The following CCDC73 variants were observed in gnomAD, a reference collection of about 807,000 sequenced individuals.
CCDC73 encodes the protein coiled-coil domain containing 73.
A neutral mutation model predicts 116.5 loss-of-function variants in CCDC73; 95 were observed. The ratio of observed to expected loss-of-function variants is 0.82; its 90% CI spans 0.69 to 0.97. CCDC73 has a LOEUF of 0.97. Ranked by LOEUF, CCDC73 falls within the 50% of genes least tolerant of loss-of-function variation. The probability of loss-of-function intolerance (pLI) is 0.00; values close to 1 mark genes in which losing one functional copy is unlikely to be tolerated. For missense variants in CCDC73, 1,066 were observed against 1,206.8 expected (o/e 0.88, Z 1.73); for synonymous variants, 398 against 401.3 (o/e 0.99, Z 0.10).
chr11:32,654,214 C>T (rs777821023), intron 10 of CCDC73, among the ~76,000 whole-genome samples, 177 bp from the exon 11 acceptor site: 2 of 152,098 alleles, frequency 1.3e-5, no homozygotes, highest in Non-Finnish European at 2.9e-5. Flanking sequence ...CGCTCTATCA[C>T]CCAGTCTGGA....
intron 3 of CCDC73, among the ~76,000 whole-genome samples, chr11:32,715,470 T>C (rs1849936108): frequency 1.3e-5 from 2 of 149,882 alleles, no homozygotes; most frequent in African/African-American, 4.9e-5. Context: ...CAAATTATGA[T>C]CCAACAAAAG....
intron 3 of CCDC73, among the ~76,000 whole-genome samples, chr11:32,711,442 A>C (rs1849899241): frequency 6.6e-6 from 1 of 152,218 alleles, no homozygotes; most frequent in South Asian, 2.1e-4. Context: ...TACACATACC[A>C]CAGAATACTA....
intron 12 of CCDC73, 90 bp downstream of exon 12, chr11:32,653,033 G>A: frequency 1.4e-6 from 1 of 733,462 alleles, no homozygotes; most frequent in Non-Finnish European, 2.2e-6. Flanking sequence ...AATAAAACTG[G>A]ACAGAAAAAT....
At chr11:32,771,023 G>A (rs925405346) in intron 1 of CCDC73, among the ~76,000 whole-genome samples, 4 of 152,302 alleles carry the variant, frequency 2.6e-5, no homozygotes, top group East Asian at 1.9e-4. Context: ...TCTCAAGGGC[G>A]TTATCTTAGA....
At chr11:32,655,682 C>G (rs1855865131) in intron 9 of CCDC73, among the ~76,000 whole-genome samples, 1 of 152,140 alleles carries the variant, frequency 6.6e-6, no homozygotes, top group Non-Finnish European at 1.5e-5. Flanking sequence ...GTACGTTACG[C>G]TACAGAGTTT....
intron 14 of CCDC73, among the ~76,000 whole-genome samples, chr11:32,631,503 G>A (rs75685082): frequency 0.1 from 15,419 of 151,932 alleles, 1,047 homozygotes; most frequent in Non-Finnish European, 0.15. Context: ...CAATACCCAT[G>A]GGTCAGAGGA....
chr11:32,793,954 C>T (rs1180862031), intron 1 of CCDC73, among the ~76,000 whole-genome samples: 4 of 152,108 alleles, frequency 2.6e-5, no homozygotes, highest in Non-Finnish European at 2.9e-5. Context: ...ATTAGCAGGG[C>T]AGTCATTTCA....
intron 14 of CCDC73, among the ~76,000 whole-genome samples, chr11:32,620,610 C>CAAAAAAAAA (rs57643752): frequency 1.3e-4 from 8 of 61,338 alleles, no homozygotes; most frequent in African/African-American, 3.5e-4. Flanking sequence ...GACTCAGTCT[C>CAAAAAAAAA]AAAAAAAAAA....
At chr11:32,670,319 G>C (rs919729133) in intron 9 of CCDC73, among the ~76,000 whole-genome samples, 9 of 152,034 alleles carry the variant, frequency 5.9e-5, no homozygotes, top group Non-Finnish European at 1.2e-4. Flanking sequence ...TCAGGAGATC[G>C]AGACCATCCT....
At chr11:32,612,728 C>T (rs961763527) in intron 16 of CCDC73, among the ~76,000 whole-genome samples, 10 of 151,882 alleles carry the variant, frequency 6.6e-5, no homozygotes, top group African/African-American at 2.2e-4. Flanking sequence ...CAGAGCAAGA[C>T]TCTATCTCAA....
intron 6 of CCDC73, among the ~76,000 whole-genome samples, chr11:32,683,780 T>A (rs996034562): frequency 6.6e-6 from 1 of 152,166 alleles, no homozygotes; most frequent in Admixed American, 6.5e-5. Flanking sequence ...ACAAAGTCCC[T>A]GCCCTTAAGA....
At chr11:32,638,779 T>C (rs1565063582) in intron 13 of CCDC73, among the ~76,000 whole-genome samples, 1 of 151,564 alleles carries the variant, frequency 6.6e-6, no homozygotes, top group Non-Finnish European at 1.5e-5. Flanking sequence ...GCCCAGCCGA[T>C]TGTTCTATTG....
At chr11:32,734,906 C>G (rs185907926) in intron 2 of CCDC73, among the ~76,000 whole-genome samples, 125 of 152,196 alleles carry the variant, frequency 8.2e-4, no homozygotes, top group African/African-American at 2.9e-3. Flanking sequence ...TAAACAGAAC[C>G]AAAGACAAAA....
At chr11:32,675,044 C>T (rs769823912) in intron 9 of CCDC73, among the ~76,000 whole-genome samples, 5 of 152,166 alleles carry the variant, frequency 3.3e-5, no homozygotes, top group South Asian at 4.1e-4. Flanking sequence ...CTCCTTCACC[C>T]TCTTACCCCC....
chr11:32,668,263 C>A (rs1856006040), intron 9 of CCDC73, among the ~76,000 whole-genome samples: 1 of 151,986 alleles, frequency 6.6e-6, no homozygotes, highest in Admixed American at 6.6e-5. Context: ...TTAAGTATTC[C>A]TTTATGTATT....
chr11:32,776,925 T>TAAAA lies in CCDC73; in HGVS notation c.-15-16671_-15-16668dup, dbSNP rs747492382. Among the ~76,000 whole-genome samples, 834 of 126,964 alleles carry TAAAA rather than the reference T, an allele frequency of 6.6e-3. 12 individuals are homozygous for TAAAA. The highest frequency in any genetic ancestry group is 0.024 in the African/African-American group (766 of 31,912). The allele number at this position is 126,964 out of a possible 152,430, so 83.3% of individuals were successfully genotyped here. A position where few individuals can be genotyped will look rare whatever the true frequency, so the allele number is the denominator to read the frequency against. On this transcript the variant is annotated intron_variant, in intron 1 of 17. Transcript: ENST00000335185. ...AGTATTTCTTCCTACAGAGTATGGT[T>TAAAA]AAAAAAAAAAAATATATATATATAT...
At position 32,718,202 on chromosome 11, in the gene CCDC73, A is replaced by C; in HGVS notation, c.136-55T>G. On this transcript the variant is annotated intron_variant, in intron 2 of 17. Coordinates refer to ENST00000335185, the MANE Select transcript of CCDC73 (RefSeq NM_001008391.4). ...TAAAAATAAAGACTTTAAAACTTCC[A>C]GTTTCAGCTCTTTCTGGAGAGATAT... 2.5e-6 allele frequency: 3 copies of C among 1,201,488 alleles called. No individual in the cohort carries two copies. In the Admixed American group the frequency reaches 5.9e-5, roughly 24 times the overall value. The allele number at this position is 1,201,488 out of a possible 1,614,324, so 74.4% of individuals were successfully genotyped here.
chr11:32,776,256 T>C (rs555069368), intron 1 of CCDC73, among the ~76,000 whole-genome samples: 19 of 152,292 alleles, frequency 1.2e-4, no homozygotes, highest in Admixed American at 6.5e-4. Flanking sequence ...TTTCCTGTTA[T>C]CCCTTTATTT....
intron 2 of CCDC73, among the ~76,000 whole-genome samples, chr11:32,752,908 TCCTCCTGCCTCAG>T (rs1850298959): frequency 1.3e-5 from 2 of 152,178 alleles, no homozygotes; most frequent in African/African-American, 2.4e-5. Context: ...GATTAAGTGA[TCCTCCTGCCTCAG>T]CCTCCTGCCC....
Sources: gnomAD v4.1 joint callset for allele counts (sites outside exome capture counted in the v4.1 genomes callset) on GRCh38, gnomAD v4.1.1 for gene constraint, MANE v1.5 for transcripts, NCBI Gene and HGNC (gene_info 2026-07-23, HGNC 2026-07-21) for gene names.